DDX19A: variants seen among roughly 807,000 people sequenced by gnomAD.
The protein encoded by DDX19A is ATP-dependent RNA helicase DDX19A.
Under a neutral mutation model 60.6 loss-of-function variants are expected in DDX19A, and 12 were observed. That is an observed-to-expected ratio of 0.20 (90% CI 0.13 to 0.32). The LOEUF is 0.32. DDX19A is among the 10% of genes least tolerant of loss of function. The pLI, the probability that DDX19A is intolerant of heterozygous loss-of-function variation, is 1.00. For missense variants in DDX19A, 337 were observed against 600.6 expected, an observed-to-expected ratio of 0.56 and a Z score of 4.59; for synonymous variants, 206 against 218.2, an observed-to-expected ratio of 0.94 and a Z score of 0.49.
intron 2 of DDX19A, among the ~76,000 whole-genome samples, chr16:70,351,267 G>T (rs192912020): frequency 6.6e-6 from 1 of 151,188 alleles, no homozygotes; most frequent in African/African-American, 2.4e-5. Flanking sequence ...GTGGAGTGGC[G>T]TGATCTTGGC....
chr16:70,371,293 G>T, intron 10 of DDX19A, 79 bp from the exon 11 acceptor site: 2 of 1,613,222 alleles, frequency 1.2e-6, no homozygotes, highest in African/African-American at 1.3e-5. Context: ...AAGTTGGTAC[G>T]CATTGACCTA....
Position 70,350,543 on chromosome 16 carries a change from T to A in DDX19A, c.58-14T>A. On this transcript the variant is annotated splice_polypyrimidine_tract_variant and intron_variant, in intron 1 of 11. Transcript: ENST00000302243. Reference sequence around the variant, plus strand: ...GTCCTTTGCTTAACTCTGTTTTCTTTTATTTCTATTCAGATGACCAATTTG... The same window carrying A: ...GTCCTTTGCTTAACTCTGTTTTCTTATATTTCTATTCAGATGACCAATTTG... The A allele has an allele frequency of 6.2e-7, 1 of 1,605,496 alleles. No homozygotes were observed. The highest frequency in any genetic ancestry group is 8.5e-7 in the Non-Finnish European group (1 of 1,176,178).
At chr16:70,364,395 T>C (rs1421007748) in intron 5 of DDX19A, 148 bp from the exon 6 acceptor site, 5 of 612,618 alleles carry the variant, frequency 8.2e-6, no homozygotes, top group Non-Finnish European at 1.5e-5. Flanking sequence ...TAAAAAAATG[T>C]ATGAAAGTAA....
rs1058430 is a variant in DDX19A at position 70,372,046 on chromosome 16, A to G, written c.*60A>G. On this transcript the variant is annotated 3_prime_UTR_variant, in exon 12 of 12. Coordinates refer to ENST00000302243, the MANE Select transcript of DDX19A (RefSeq NM_018332.5). Reference sequence around the variant, plus strand: ...CTGCCCCTGCACAGGAGACAAGTGCATTTAGGGCACAGGCCCCGACATCAC... The same window carrying G: ...CTGCCCCTGCACAGGAGACAAGTGCGTTTAGGGCACAGGCCCCGACATCAC... 3.3e-5 allele frequency: 54 copies of G among 1,613,366 alleles called. No homozygotes were observed. The highest frequency in any genetic ancestry group is 1.1e-4 in the African/African-American group (8 of 75,056).
intron 6 of DDX19A, 94 bp from the exon 7 acceptor site, chr16:70,364,923 C>T: frequency 1.1e-6 from 1 of 934,336 alleles, no homozygotes; most frequent in Non-Finnish European, 1.7e-6. Flanking sequence ...CTTCCCTGTG[C>T]TATTCAAGTG....
chr16:70,356,170 C>A lies in DDX19A; in HGVS notation c.216C>A (p.Asn72Lys). The A allele has an allele frequency of 1.2e-6, 2 of 1,614,000 alleles. No homozygotes were observed. The highest frequency in any genetic ancestry group is 1.7e-6 in the Non-Finnish European group (2 of 1,180,004). The change falls in exon 4 of 12, where the codon AAC becomes AAA. Residue 72 changes from asparagine (N) to lysine (K), a missense_variant. Physicochemically the swap from Asn to Lys is moderately conservative, Grantham distance 94. Coordinates refer to ENST00000302243, the MANE Select transcript of DDX19A (RefSeq NM_018332.5). The stretch of plus-strand genomic sequence containing the variant: ...TGATCAGAAGCAACCTTGTTGATAA[C>A]ACAAACCAAGTGGAAGTCCTGCAAC... ...NKLIRSNLVDNTNQVEVLQRD... is the reference protein window; with the variant it reads ...NKLIRSNLVDKTNQVEVLQRD...
Position 70,359,286 on chromosome 16 carries a change from C to T in DDX19A, c.294-2132C>T, listed in dbSNP as rs545748643. On this transcript the variant is annotated intron_variant, in intron 4 of 11. Coordinates refer to ENST00000302243, the MANE Select transcript of DDX19A (RefSeq NM_018332.5). ...CCTTGGCAACCAAGTCAGAAGCTGC[C>T]GAGTGTCACAGCATTTTCTCCCAAA... Among the ~76,000 whole-genome samples, 8 of 152,222 alleles carry T rather than the reference C, an allele frequency of 5.3e-5. No individual in the cohort carries two copies. The South Asian group carries it at 8.3e-4, about 16-fold the overall frequency.
intron 4 of DDX19A, among the ~76,000 whole-genome samples, chr16:70,358,178 G>A (rs1964269385): frequency 6.6e-6 from 1 of 152,066 alleles, no homozygotes. Context: ...TTACAGGCCT[G>A]AGCCACCACA....
chr16:70,367,003 T>C (rs1472621285), intron 9 of DDX19A, 142 bp downstream of exon 9: 1 of 962,182 alleles, frequency 1.0e-6, no homozygotes, highest in Non-Finnish European at 1.6e-6. Flanking sequence ...TCTCCTTTAG[T>C]GGGGGTAATG....
At chr16:70,369,599 TTC>T (rs1964622090) in intron 9 of DDX19A, among the ~76,000 whole-genome samples, 3 of 151,588 alleles carry the variant, frequency 2.0e-5, no homozygotes, top group Admixed American at 2.0e-4. Flanking sequence ...GGTATAAATT[TTC>T]TTTTTTTTTT....
chr16:70,366,101 G>A lies in DDX19A; in HGVS notation c.621G>A (p.Lys207=). 1 of 1,614,218 alleles carries A rather than the reference G, an allele frequency of 6.2e-7. No individual in the cohort carries two copies. Among genetic ancestry groups the A allele is most frequent in the Non-Finnish European group, 8.5e-7 (1 of 1,180,044 alleles). The stretch of plus-strand genomic sequence containing the variant: ...TCTCCACAGTGGAAAGAGGCCAGAA[G>A]ATCAGTGAGCAGATTGTCATTGGCA... The part of the protein sequence containing the change: ...VRGNKLERGQ[K]ISEQIVIGTP... Residue 207 remains lysine (K), a synonymous_variant, in exon 8 of 12, where the codon AAG becomes AAA. Coordinates refer to ENST00000302243, the MANE Select transcript of DDX19A (RefSeq NM_018332.5).
intron 4 of DDX19A, among the ~76,000 whole-genome samples, chr16:70,358,990 C>T (rs1964297464): frequency 6.6e-6 from 1 of 152,184 alleles, no homozygotes; most frequent in African/African-American, 2.4e-5. Context: ...CAGTTTGCTC[C>T]TCCAAGTATC....
intron 1 of DDX19A, 85 bp downstream of exon 1, chr16:70,347,133 G>C (rs1005532503): frequency 1.5e-6 from 2 of 1,378,654 alleles, no homozygotes; most frequent in Admixed American, 2.0e-5. Flanking sequence ...CCCGGGTTGG[G>C]GAGGCCCCTG....
intron 3 of DDX19A, 138 bp from the exon 4 acceptor site, chr16:70,355,974 A>G (rs1964172831): frequency 1.8e-6 from 2 of 1,082,486 alleles, no homozygotes; most frequent in Non-Finnish European, 2.7e-6. Context: ...ATAAATAAAT[A>G]GAGACCTATC....
intron 2 of DDX19A, among the ~76,000 whole-genome samples, chr16:70,354,606 A>C (rs1473315097): frequency 1.3e-5 from 2 of 152,240 alleles, no homozygotes; most frequent in African/African-American, 4.8e-5. Flanking sequence ...AGTAAGAGGT[A>C]ACATATTCTG....
chr16:70,347,290 T>C, intron 1 of DDX19A: 1 of 564,500 alleles, frequency 1.8e-6, no homozygotes, highest in South Asian at 2.2e-5. Context: ...ATGCATGCTG[T>C]CATTCCTCTA....
rs76889780 is a variant in DDX19A, at chr16:70,358,873, A to G, written c.294-2545A>G. Among the ~76,000 whole-genome samples the G allele has an allele frequency of 4.1e-3, 623 of 152,220 alleles. 5 individuals are homozygous for G. Among genetic ancestry groups the G allele is most frequent in the African/African-American group, 0.014 (566 of 41,554 alleles). On this transcript the variant is annotated intron_variant, in intron 4 of 11. Coordinates refer to ENST00000302243, the MANE Select transcript of DDX19A (RefSeq NM_018332.5). ...TCTCAAACGGAAATTATGCTTTTCT[A>G]TGTGTTTTCTCTGTCAAGGACTTTA... is the stretch of plus-strand genomic sequence containing the variant.
intron 4 of DDX19A, among the ~76,000 whole-genome samples, chr16:70,357,258 CAAAA>C (rs1163431591): frequency 1.5e-5 from 1 of 64,900 alleles, no homozygotes; most frequent in East Asian, 3.9e-4. Context: ...GACTCTCTCT[CAAAA>C]AAAAAAAAAT....
intron 1 of DDX19A, chr16:70,347,942 G>A: frequency 2.3e-6 from 1 of 436,172 alleles, no homozygotes; most frequent in Non-Finnish European, 4.6e-6. Flanking sequence ...CGCCCACCTC[G>A]GCCTCCCAAA....
Sources: gnomAD v4.1 joint callset for allele counts (sites outside exome capture counted in the v4.1 genomes callset) on GRCh38, gnomAD v4.1.1 for gene constraint, MANE v1.5 for transcripts, NCBI Gene and HGNC (gene_info 2026-07-23, HGNC 2026-07-21) for gene names.